The following BBS12 variants were observed in gnomAD, a reference collection of about 807,000 sequenced individuals.
The protein encoded by BBS12 is Bardet-Biedl syndrome 12, also known as chaperonin-containing T-complex member BBS12.
In BBS12, 5 loss-of-function variants were observed where a neutral mutation model predicts 5.6. The observed-to-expected ratio is 0.89, with a 90% confidence interval of 0.46 to 1.86. BBS12 has a LOEUF of 1.86. Among genes scored for constraint, BBS12 ranks in the 40% most tolerant of loss-of-function variants. The probability of loss-of-function intolerance (pLI) is 0.01; values close to 1 mark genes in which losing one functional copy is unlikely to be tolerated. For synonymous variants in BBS12, 308 were observed against 306.8 expected (o/e 1.00, Z -0.04); for missense variants, 748 against 830.4 (o/e 0.90, Z 1.22).
upstream of BBS12, chr4:122,731,001 A>T (rs1188438827): frequency 3.9e-5 from 6 of 152,116 alleles, no homozygotes; most frequent in Non-Finnish European, 8.8e-5. Context: ...TATTTATTTT[A>T]TCAAGCTGGA....
At chr4:122,730,776 A>T (rs1343199161), upstream of BBS12, 1 of 152,154 alleles carries the variant, frequency 6.6e-6, no homozygotes, top group Non-Finnish European at 1.5e-5. Context: ...CACATAAGTT[A>T]TAATTACATA....
chr4:122,716,705 A>G, the BBS12 span, among the ~76,000 whole-genome samples: 5,296 of 119,844 alleles, frequency 0.044, 817 homozygotes, highest in Non-Finnish European at 0.051. Context: ...GTGTGTGTAT[A>G]CATACACATA....
the BBS12 span, among the ~76,000 whole-genome samples, chr4:122,710,289 A>G: frequency 6.6e-6 from 1 of 152,228 alleles, no homozygotes; most frequent in Non-Finnish European, 1.5e-5. Context: ...GTATTTGACT[A>G]TGAAAGAAAT....
At chr4:122,702,648 G>T in the BBS12 span, among the ~76,000 whole-genome samples, 1 of 152,248 alleles carries the variant, frequency 6.6e-6, no homozygotes, top group East Asian at 1.9e-4. Context: ...AGGAGAGCCA[G>T]TGCCTAAGGA....
the BBS12 span, among the ~76,000 whole-genome samples, chr4:122,708,002 CTTTT>C: frequency 8.6e-6 from 1 of 115,756 alleles, no homozygotes; most frequent in Admixed American, 8.9e-5. Context: ...CTCTTTCTCT[CTTTT>C]TTTTCTTTCC....
rs575211893 is a variant in BBS12 at position 122,744,072 on chromosome 4, G to A, written c.*47G>A. 214 of 1,561,504 alleles carry A rather than the reference G, an allele frequency of 1.4e-4. 2 individuals carry two copies. The South Asian group carries it at 2.2e-3, about 16-fold the overall frequency. ...AAAATAATTTTTCATAATATGTCAT[G>A]CTAATAATAAATATATTGATAGCCA... On this transcript the variant is annotated 3_prime_UTR_variant, in exon 2 of 2. Transcript: ENST00000314218.
the BBS12 span, among the ~76,000 whole-genome samples, chr4:122,723,189 C>CTGGTA: frequency 6.6e-6 from 1 of 152,142 alleles, no homozygotes; most frequent in Non-Finnish European, 1.5e-5. Flanking sequence ...TTGAACTATC[C>CTGGTA]TGGTAGGTTC....
chr4:122,742,670 C>T lies in BBS12; in HGVS notation c.778C>T (p.His260Tyr), dbSNP rs1410719442. ...DGFQEHVTAT[H>Y]KTYRCNDLVE... ...ATTTCAAGAACATGTTACAGCTACT[C>T]ACAAAACTTACAGATGTAATGATTT... The change falls in exon 2 of 2, where the codon CAC becomes TAC. Residue 260 changes from histidine to tyrosine, a missense_variant. Coordinates refer to ENST00000314218, the MANE Select transcript of BBS12 (RefSeq NM_152618.3). The T allele has an allele frequency of 1.2e-6, 2 of 1,614,088 alleles. No individual in the cohort carries two copies. The highest frequency in any genetic ancestry group is 2.2e-5 in the East Asian group (1 of 44,898).
chr4:122,734,566 A>G (rs1467010027), intron 1 of BBS12, among the ~76,000 whole-genome samples: 1 of 152,104 alleles, frequency 6.6e-6, no homozygotes, highest in Non-Finnish European at 1.5e-5. Flanking sequence ...GCGCCCGGCC[A>G]TATACTTCAT....
chr4:122,724,968 C>T, the BBS12 span, among the ~76,000 whole-genome samples: 1 of 152,068 alleles, frequency 6.6e-6, no homozygotes, highest in Non-Finnish European at 1.5e-5. Context: ...AAATTCAATG[C>T]CATGATTTTT....
intron 1 of BBS12, among the ~76,000 whole-genome samples, chr4:122,734,427 G>A (rs1363689380): frequency 6.6e-6 from 1 of 152,022 alleles, no homozygotes; most frequent in African/African-American, 2.4e-5. Context: ...CACCGCGCCC[G>A]GCTAATTTTT....
chr4:122,741,484 C>T lies in BBS12; in HGVS notation c.-10-399C>T, dbSNP rs369560938. ...ATAGGCATGAGCCACTGCGCCCAGC[C>T]GCTCCACTACATTTTTTATATTCTC... is the stretch of plus-strand genomic sequence containing the variant. On this transcript the variant is annotated intron_variant, in intron 1 of 1. Coordinates refer to ENST00000314218, the MANE Select transcript of BBS12 (RefSeq NM_152618.3). Among the ~76,000 whole-genome samples, 27 of 152,284 alleles carry T rather than the reference C, an allele frequency of 1.8e-4. No homozygotes were observed. The East Asian group carries it at 2.1e-3, about 12-fold the overall frequency.
chr4:122,701,177 GT>G, the BBS12 span, among the ~76,000 whole-genome samples: 1 of 152,116 alleles, frequency 6.6e-6, no homozygotes, highest in Non-Finnish European at 1.5e-5. Flanking sequence ...ACATTTCTTT[GT>G]TTTAATCTTC....
chr4:122,710,926 T>G, the BBS12 span, among the ~76,000 whole-genome samples: 1 of 152,144 alleles, frequency 6.6e-6, no homozygotes, highest in Non-Finnish European at 1.5e-5. Flanking sequence ...GGCTTCACTG[T>G]GGGATCCAGC....
chr4:122,716,666 CATATGTGTATATATACACATAT>C, the BBS12 span, among the ~76,000 whole-genome samples: 118 of 116,074 alleles, frequency 1.0e-3, 11 homozygotes, highest in Middle Eastern at 8.8e-3. Context: ...TGCACATACA[CATATGTGTATATATACACATAT>C]GTGTATGTGT....
In BBS12 at chr4:122,744,494, A is replaced by AC; in HGVS notation, c.*470dup. The AC allele has an allele frequency of 5.6e-6, 1 of 178,690 alleles. No homozygotes were observed. Among genetic ancestry groups the AC allele is most frequent in the Middle Eastern group, 3.1e-3 (1 of 326 alleles). The allele number at this position is 178,690 out of a possible 1,614,324, so 11.1% of individuals were successfully genotyped here. On this transcript the variant is annotated 3_prime_UTR_variant, in exon 2 of 2. Transcript: ENST00000314218. The stretch of plus-strand genomic sequence containing the variant: ...CATACTTGAAGATAGCTTAGTGTAA[A>AC]CACAAGCCTAGGACATGGACTAGGT...
At chr4:122,734,014 T>C (rs1437567575) in intron 1 of BBS12, 1 of 152,156 alleles carries the variant, frequency 6.6e-6, no homozygotes, top group Non-Finnish European at 1.5e-5. Context: ...TCAGCCTGTC[T>C]TGTTCATATT....
intron 1 of BBS12, among the ~76,000 whole-genome samples, chr4:122,738,262 G>T (rs1800815547): frequency 6.6e-6 from 1 of 152,166 alleles, no homozygotes; most frequent in South Asian, 2.1e-4. Context: ...TGTTGCCCAG[G>T]TTGGAGTGTG....
chr4:122,711,224 G>A, the BBS12 span, among the ~76,000 whole-genome samples: 1 of 152,024 alleles, frequency 6.6e-6, no homozygotes, highest in Non-Finnish European at 1.5e-5. Context: ...ATAAGGTGCT[G>A]TAGAAATGAG....
Sources: gnomAD v4.1 joint callset for allele counts (sites outside exome capture counted in the v4.1 genomes callset) on GRCh38, gnomAD v4.1.1 for gene constraint, MANE v1.5 for transcripts, NCBI Gene and HGNC (gene_info 2026-07-23, HGNC 2026-07-21) for gene names.